Variants in EPHA3 observed in about 807,000 individuals in gnomAD.
The protein encoded by EPHA3 is ephrin type-A receptor 3.
EPHA3 carries 42 observed loss-of-function variants against 107.1 expected under a neutral mutation model. The ratio of observed to expected loss-of-function variants is 0.39; its 90% CI spans 0.31 to 0.51. The LOEUF (loss-of-function observed/expected upper bound fraction) is 0.51, where lower values mean the gene tolerates loss of function less well. Among genes scored for constraint, EPHA3 ranks in the 20% least tolerant of loss-of-function variants. The probability of loss-of-function intolerance (pLI) is 0.78; values close to 1 mark genes in which losing one functional copy is unlikely to be tolerated. For synonymous variants in EPHA3, 461 were observed against 424.8 expected, an observed-to-expected ratio of 1.09 and a Z score of -1.05; for missense variants, 1,183 against 1,211.2, an observed-to-expected ratio of 0.98 and a Z score of 0.35.
chr3:89,206,375 G>A (rs1401731891), intron 2 of EPHA3, among the ~76,000 whole-genome samples: 5 of 152,040 alleles, frequency 3.3e-5, no homozygotes, highest in African/African-American at 1.2e-4. Flanking sequence ...GTTCATTGCA[G>A]AATAAATTTG....
chr3:89,312,479 T>C (rs1191145336), intron 3 of EPHA3, among the ~76,000 whole-genome samples: 2 of 151,742 alleles, frequency 1.3e-5, no homozygotes, highest in African/African-American at 4.8e-5. Context: ...TTAAATTGTG[T>C]GCATTTTGCC....
chr3:89,274,303 A>G (rs1705751659), intron 3 of EPHA3, among the ~76,000 whole-genome samples: 1 of 151,992 alleles, frequency 6.6e-6, no homozygotes, highest in Non-Finnish European at 1.5e-5. Flanking sequence ...TTCAAAAAAA[A>G]TCATTCCATC....
At chr3:89,209,323 A>T (rs1706207705) in intron 2 of EPHA3, among the ~76,000 whole-genome samples, 1 of 152,014 alleles carries the variant, frequency 6.6e-6, no homozygotes, top group Admixed American at 6.5e-5. Context: ...TTTTTTTCAT[A>T]GTTCTGCAAC....
intron 3 of EPHA3, among the ~76,000 whole-genome samples, chr3:89,282,255 T>C (rs1431426759): frequency 1.3e-5 from 2 of 152,158 alleles, no homozygotes; most frequent in African/African-American, 4.8e-5. Flanking sequence ...TAATCTACTT[T>C]CTAAGGTCAC....
chr3:89,154,344 A>G (rs1011918538), intron 2 of EPHA3, among the ~76,000 whole-genome samples: 2 of 151,504 alleles, frequency 1.3e-5, no homozygotes, highest in African/African-American at 2.4e-5. Context: ...GATATCTGTT[A>G]AATGCATGAA....
intron 3 of EPHA3, among the ~76,000 whole-genome samples, chr3:89,241,298 A>C (rs1704889331): frequency 6.6e-6 from 1 of 152,200 alleles, no homozygotes; most frequent in African/African-American, 2.4e-5. Flanking sequence ...CCAATCAGTA[A>C]ATCAGCCAAT....
At chr3:89,404,743 T>G (rs1369966519) in intron 7 of EPHA3, among the ~76,000 whole-genome samples, 1 of 152,206 alleles carries the variant, frequency 6.6e-6, no homozygotes, top group Non-Finnish European at 1.5e-5. Flanking sequence ...AGTTTAATTC[T>G]GTTTTCAACA....
chr3:89,399,675 CT>C, intron 7 of EPHA3, 195 bp downstream of exon 7: 1 of 1,247,818 alleles, frequency 8.0e-7, no homozygotes, highest in South Asian at 3.7e-5. Context: ...TTTTGTGTTT[CT>C]TTTTTTCTTG....
At chr3:89,404,729 TC>T (rs1233670852) in intron 7 of EPHA3, among the ~76,000 whole-genome samples, 3 of 152,156 alleles carry the variant, frequency 2.0e-5, no homozygotes, top group Non-Finnish European at 4.4e-5. Flanking sequence ...TGTGGAGAAA[TC>T]CTAGTTTAAT....
At chr3:89,309,343 G>A (rs187068595) in intron 3 of EPHA3, among the ~76,000 whole-genome samples, 11 of 152,200 alleles carry the variant, frequency 7.2e-5, no homozygotes, top group African/African-American at 2.4e-4. Flanking sequence ...TGTTTGCTTC[G>A]TTTAGGAAAG....
intron 16 of EPHA3, among the ~76,000 whole-genome samples, chr3:89,473,511 C>T (rs1409510387): frequency 2.0e-5 from 3 of 152,182 alleles, no homozygotes; most frequent in Admixed American, 1.3e-4. Flanking sequence ...TGATTGAGAA[C>T]CAATTTACTT....
chr3:89,273,764 T>G (rs1320695241), intron 3 of EPHA3, among the ~76,000 whole-genome samples: 1 of 151,960 alleles, frequency 6.6e-6, no homozygotes, highest in African/African-American at 2.4e-5. Context: ...TAATATACAG[T>G]TGATTCATTA....
intron 3 of EPHA3, among the ~76,000 whole-genome samples, chr3:89,230,671 T>C (rs1231797695): frequency 6.6e-6 from 1 of 152,088 alleles, no homozygotes; most frequent in Non-Finnish European, 1.5e-5. Flanking sequence ...AGAATTTTGA[T>C]CAAGGTGCTA....
chr3:89,431,217 A>G lies in EPHA3; in HGVS notation c.2204A>G (p.Lys735Arg). 6.2e-7 allele frequency: 1 copy of G among 1,613,898 alleles called. No homozygotes were observed. Among genetic ancestry groups the G allele is most frequent in the Non-Finnish European group, 8.5e-7 (1 of 1,179,966 alleles). ...GMLRGIASGM[K>R]YLSDMGYVHR... is the part of the protein sequence containing the mutation. ...CTTCGAGGGATAGCATCTGGCATGAAGTACCTGTCAGACATGGGCTATGTT... is the reference window on the plus strand; with the variant it reads ...CTTCGAGGGATAGCATCTGGCATGAGGTACCTGTCAGACATGGGCTATGTT... The change falls in exon 13 of 17, where the codon AAG becomes AGG. Residue 735 changes from lysine to arginine, a missense_variant. Physicochemically the swap from Lys to Arg is conservative, Grantham distance 26. Coordinates refer to ENST00000336596, the MANE Select transcript of EPHA3 (RefSeq NM_005233.6).
At chr3:89,178,075 G>A (rs1427314394) in intron 2 of EPHA3, among the ~76,000 whole-genome samples, 2 of 152,032 alleles carry the variant, frequency 1.3e-5, no homozygotes, top group East Asian at 1.9e-4. Flanking sequence ...TTTATTTTGG[G>A]TTCTACCACT....
intron 2 of EPHA3, among the ~76,000 whole-genome samples, chr3:89,165,193 T>C (rs770875140): frequency 1.3e-5 from 2 of 152,168 alleles, no homozygotes; most frequent in Non-Finnish European, 2.9e-5. Context: ...CTCATTTCTT[T>C]TGTAGCTACA....
intron 13 of EPHA3, among the ~76,000 whole-genome samples, chr3:89,433,759 G>A (rs1392338808): frequency 2.0e-5 from 3 of 152,124 alleles, no homozygotes; most frequent in African/African-American, 7.2e-5. Context: ...AAATTTACAA[G>A]TGACTACAAT....
intron 3 of EPHA3, among the ~76,000 whole-genome samples, chr3:89,270,177 T>G (rs1045257388): frequency 2.0e-5 from 3 of 152,110 alleles, no homozygotes; most frequent in African/African-American, 7.2e-5. Flanking sequence ...TTTAATGTAT[T>G]AAGGCATTCT....
chr3:89,419,163 A>T (rs1384980151), intron 10 of EPHA3, 42 bp from the exon 11 acceptor site: 1 of 1,521,202 alleles, frequency 6.6e-7, no homozygotes, highest in South Asian at 1.3e-5. Context: ...AATTTTTATT[A>T]TAGAATTCCT....
Sources: gnomAD v4.1 joint callset for allele counts (sites outside exome capture counted in the v4.1 genomes callset) on GRCh38, gnomAD v4.1.1 for gene constraint, MANE v1.5 for transcripts, NCBI Gene and HGNC (gene_info 2026-07-23, HGNC 2026-07-21) for gene names.